Variants in GOLGB1 observed in about 807,000 individuals in gnomAD.
The protein encoded by GOLGB1 is golgin subfamily B member 1.
A neutral mutation model predicts 336.9 loss-of-function variants in GOLGB1; 174 were observed. The ratio of observed to expected loss-of-function variants is 0.52; its 90% confidence interval spans 0.46 to 0.59. The LOEUF is 0.59. Among genes scored for constraint, GOLGB1 ranks in the 20% least tolerant of loss-of-function variants. The probability of loss-of-function intolerance (pLI) is 0.00; values close to 1 mark genes in which losing one functional copy is unlikely to be tolerated. For missense variants in GOLGB1, 3,331 were observed against 3,645.3 expected, an observed-to-expected ratio of 0.91 and a Z score of 2.22; for synonymous variants, 1,208 against 1,289.2, an observed-to-expected ratio of 0.94 and a Z score of 1.35.
At chr3:121,680,120 G>C (rs1940901167) in intron 15 of GOLGB1, among the ~76,000 whole-genome samples, 1 of 152,186 alleles carries the variant, frequency 6.6e-6, no homozygotes, top group Admixed American at 6.5e-5. Flanking sequence ...CTTCCTCCTG[G>C]CAGTATCAGG....
In GOLGB1 at chr3:121,684,127, C is replaced by CAAAAAAAAAAAAAA. The variant is rs61510295; in HGVS notation, c.8695-2276_8695-2263dup. Among the ~76,000 whole-genome samples, 9 of 10,914 alleles carry CAAAAAAAAAAAAAA rather than the reference C, an allele frequency of 8.2e-4. 1 individual carries two copies. The highest frequency in any genetic ancestry group is 2.2e-3 in the East Asian group (2 of 928). The allele number at this position is 10,914 out of a possible 152,430, so 7.2% of individuals were successfully genotyped here. The stretch of plus-strand genomic sequence containing the variant: ...TGGATGACAGAGCGAGACGCCGTCT[C>CAAAAAAAAAAAAAA]AAAAAAAAAAAAAAAAAAAAAAAAA... On this transcript the variant is annotated intron_variant, in intron 14 of 21. Coordinates refer to ENST00000614479, the MANE Select transcript of GOLGB1 (RefSeq NM_001366282.2).
intron 4 of GOLGB1, among the ~76,000 whole-genome samples, chr3:121,728,754 A>T (rs1217706374): frequency 6.6e-6 from 1 of 152,178 alleles, no homozygotes; most frequent in Non-Finnish European, 1.5e-5. Context: ...TTAATCCACC[A>T]CTATGTGACT....
intron 20 of GOLGB1, among the ~76,000 whole-genome samples, chr3:121,667,120 A>T (rs1938736619): frequency 6.6e-6 from 1 of 152,356 alleles, no homozygotes; most frequent in South Asian, 2.1e-4. Flanking sequence ...AATCTTTTAA[A>T]AAAGATTTCC....
chr3:121,723,409 G>T (rs973820164), intron 5 of GOLGB1, among the ~76,000 whole-genome samples: 4 of 152,106 alleles, frequency 2.6e-5, no homozygotes, highest in African/African-American at 9.7e-5. Flanking sequence ...TATACTTAAT[G>T]CAGACAGCAT....
chr3:121,724,233 A>AAGCTT, intron 5 of GOLGB1, among the ~76,000 whole-genome samples: 1 of 152,194 alleles, frequency 6.6e-6, no homozygotes, highest in East Asian at 1.9e-4. Context: ...CAACTACAGA[A>AAGCTT]AGCTTAGCAC....
chr3:121,708,663 T>C (rs1298242737), intron 10 of GOLGB1, among the ~76,000 whole-genome samples: 2 of 152,142 alleles, frequency 1.3e-5, no homozygotes, highest in African/African-American at 4.8e-5. Context: ...CACAAAACCC[T>C]CTTTAAACTG....
In GOLGB1 at chr3:121,699,778, C is replaced by A. The variant is rs772912611; in HGVS notation, c.1593+34G>T. 2.4e-6 allele frequency: 3 copies of A among 1,263,584 alleles called. No individual in the cohort carries two copies. In the African/African-American group the frequency reaches 4.5e-5, roughly 19 times the overall value. 78.3% of individuals were successfully genotyped at this position (1,263,584 alleles called of 1,614,324 possible). On this transcript the variant is annotated intron_variant, in intron 12 of 21. Transcript: ENST00000614479. ...GAAGCTACCTTCTCTTAATCTAGCT[C>A]ATGTTCTGGTTATATTAAGAACACA...
At position 121,684,139 on chromosome 3, in the gene GOLGB1, A is replaced by C. The variant is rs1049801204; in HGVS notation, c.8695-2274T>G. 4.7e-5 allele frequency among the ~76,000 whole-genome samples: 7 copies of C among 148,884 alleles called. No individual in the cohort carries two copies. The South Asian group carries it at 1.0e-3, about 22-fold the overall frequency. On this transcript the variant is annotated intron_variant, in intron 14 of 21. Transcript: ENST00000614479. ...CGAGACGCCGTCTCAAAAAAAAAAA[A>C]AAAAAAAAAAAAACAAGAAAATCTG...
intron 1 of GOLGB1, among the ~76,000 whole-genome samples, chr3:121,736,563 C>T (rs1053685520): frequency 8.5e-5 from 13 of 152,152 alleles, no homozygotes; most frequent in African/African-American, 3.1e-4. Context: ...CAACAAAAAA[C>T]TAAGAAACAG....
rs61746571 is a variant in GOLGB1, at chr3:121,696,872, A to G, written c.3651T>C (p.Tyr1217=). ...REELKQQKDD[Y]NRLQEQFDEQ... ...CATCAAACTGTTCTTGCAAGCGATT[A>G]TAGTCATCTTTCTGTTGCTTTAGCT... The change falls in exon 13 of 22, where the codon TAT becomes TAC. Residue 1217 remains tyrosine, a synonymous_variant. Coordinates refer to ENST00000614479, the MANE Select transcript of GOLGB1 (RefSeq NM_001366282.2). The G allele has an allele frequency of 2.2e-3, 3,540 of 1,614,160 alleles. 72 individuals are homozygous for G. The African/African-American group carries it at 0.044, about 20-fold the overall frequency.
chr3:121,679,812 T>C (rs1940859763), intron 15 of GOLGB1, among the ~76,000 whole-genome samples: 1 of 152,114 alleles, frequency 6.6e-6, no homozygotes, highest in African/African-American at 2.4e-5. Context: ...CCACTCCCAC[T>C]GTGGTATCAG....
At chr3:121,712,049 T>G (rs966710218) in intron 10 of GOLGB1, among the ~76,000 whole-genome samples, 2 of 152,178 alleles carry the variant, frequency 1.3e-5, no homozygotes, top group African/African-American at 4.8e-5. Context: ...CTTATACTAT[T>G]AATACTTGAC....
intron 1 of GOLGB1, among the ~76,000 whole-genome samples, chr3:121,740,813 A>T (rs550552446): frequency 6.6e-6 from 1 of 152,166 alleles, no homozygotes; most frequent in Non-Finnish European, 1.5e-5. Flanking sequence ...GAAAAACCAT[A>T]ATCCAAGAAT....
At chr3:121,688,585 T>C (rs1351527321) in intron 14 of GOLGB1, among the ~76,000 whole-genome samples, 2 of 152,124 alleles carry the variant, frequency 1.3e-5, no homozygotes, top group African/African-American at 4.8e-5. Context: ...GTGCCGAGAG[T>C]GCAGCCTCTG....
At chr3:121,745,147 G>A (rs1560345956) in intron 1 of GOLGB1, among the ~76,000 whole-genome samples, 1 of 152,082 alleles carries the variant, frequency 6.6e-6, no homozygotes, top group Non-Finnish European at 1.5e-5. Flanking sequence ...CCATGCTTAA[G>A]CTAAATGAAG....
intron 14 of GOLGB1, among the ~76,000 whole-genome samples, chr3:121,682,100 G>C (rs1376348220): frequency 3.9e-5 from 6 of 152,204 alleles, no homozygotes; most frequent in Admixed American, 3.9e-4. Flanking sequence ...GACTATTCCT[G>C]CAACTTCTAC....
chr3:121,682,504 G>T (rs1941195305), intron 14 of GOLGB1, among the ~76,000 whole-genome samples: 1 of 152,032 alleles, frequency 6.6e-6, no homozygotes. Context: ...ATAAGAATAT[G>T]AGAAGTAAAT....
Position 121,717,064 on chromosome 3 carries a change from C to T in GOLGB1, c.961G>A (p.Glu321Lys). 3 of 1,612,612 alleles carry T rather than the reference C, an allele frequency of 1.9e-6. No homozygotes were observed. The highest frequency in any genetic ancestry group is 1.7e-4 in the Middle Eastern group (1 of 6,058). ...LRNTVETERE[E>K]SKILLEKMEL... is the part of the protein sequence containing the mutation. ...ATCTTTTCCAGTAGAATCTTGGACT[C>T]CTCTCTTTCTGTTTCCACAGTGTTC... is the stretch of plus-strand genomic sequence containing the variant. Residue 321 changes from glutamate (E) to lysine (K), a missense_variant, in exon 9 of 22, where the codon GAG becomes AAG. Glu to Lys is a moderately conservative substitution (Grantham distance 56). Transcript: ENST00000614479.
chr3:121,667,534 G>C lies in GOLGB1; in HGVS notation c.9496C>G (p.Arg3166Gly). The change falls in exon 20 of 22, where the codon CGA becomes GGA. Residue 3166 changes from arginine to glycine, a missense_variant. Physicochemically the swap from Arg to Gly is moderately radical, Grantham distance 125. Transcript: ENST00000614479. ...NELRKLLEEERDQRVAAENAL... is the reference protein window; with the variant it reads ...NELRKLLEEEGDQRVAAENAL... ...TTCTCAGCAGCCACTCTTTGGTCTC[G>C]TTCTTCTTCCAGCAGCTTCCTTAAT... 6.2e-7 allele frequency: 1 copy of C among 1,614,008 alleles called. No individual in the cohort carries two copies. Among genetic ancestry groups the C allele is most frequent in the Non-Finnish European group, 8.5e-7 (1 of 1,179,916 alleles).
Sources: gnomAD v4.1 joint callset for allele counts (sites outside exome capture counted in the v4.1 genomes callset) on GRCh38, gnomAD v4.1.1 for gene constraint, MANE v1.5 for transcripts, NCBI Gene and HGNC (gene_info 2026-07-23, HGNC 2026-07-21) for gene names.